The following KCNH7 variants were observed in gnomAD, a reference collection of about 807,000 sequenced individuals.
KCNH7 encodes the protein potassium voltage-gated channel subfamily H member 7, also known as voltage-gated inwardly rectifying potassium channel KCNH7.
A neutral mutation model predicts 120.8 loss-of-function variants in KCNH7; 49 were observed. The observed-to-expected ratio is 0.41, with a 90% CI of 0.32 to 0.51. The LOEUF is 0.51. KCNH7 is among the 20% of genes least tolerant of loss of function. The probability of loss-of-function intolerance (pLI) is 0.38; values close to 1 mark genes in which losing one functional copy is unlikely to be tolerated. For synonymous variants in KCNH7, 547 were observed against 516.1 expected, an observed-to-expected ratio of 1.06 and a Z score of -0.81; for missense variants, 1,097 against 1,446.6, an observed-to-expected ratio of 0.76 and a Z score of 3.92.
chr2:162,591,118 GC>G (rs1694201704), intron 2 of KCNH7, among the ~76,000 whole-genome samples: 1 of 152,040 alleles, frequency 6.6e-6, no homozygotes, highest in Admixed American at 6.6e-5. Flanking sequence ...GTAAGGCTCA[GC>G]TAAACCCTCT....
intron 2 of KCNH7, among the ~76,000 whole-genome samples, chr2:162,601,244 A>G (rs1694541507): frequency 6.6e-6 from 1 of 151,900 alleles, no homozygotes; most frequent in Non-Finnish European, 1.5e-5. Context: ...AGGGGCAAAT[A>G]CTATCAGCAG....
intron 6 of KCNH7, among the ~76,000 whole-genome samples, chr2:162,456,645 T>C (rs534085850): frequency 1.3e-5 from 2 of 152,284 alleles, no homozygotes; most frequent in South Asian, 2.1e-4. Context: ...TCTAAGTCTC[T>C]TTGTAGGTCT....
At chr2:162,399,948 A>T (rs915996785) in intron 10 of KCNH7, among the ~76,000 whole-genome samples, 1 of 151,934 alleles carries the variant, frequency 6.6e-6, no homozygotes, top group African/African-American at 2.4e-5. Context: ...GGTAGCTGCC[A>T]AGAACTGAAG....
At chr2:162,825,676 T>C (rs1252751292) in intron 2 of KCNH7, among the ~76,000 whole-genome samples, 1 of 152,076 alleles carries the variant, frequency 6.6e-6, no homozygotes, top group Non-Finnish European at 1.5e-5. Flanking sequence ...AAGTGCTCAA[T>C]TATTATTAAG....
chr2:162,618,959 G>T (rs1683243335), intron 2 of KCNH7, among the ~76,000 whole-genome samples: 1 of 152,106 alleles, frequency 6.6e-6, no homozygotes, highest in Non-Finnish European at 1.5e-5. Context: ...GCAAATACTT[G>T]TTAAAATTTT....
At chr2:162,580,939 A>C (rs1273763938) in intron 2 of KCNH7, among the ~76,000 whole-genome samples, 1 of 152,066 alleles carries the variant, frequency 6.6e-6, no homozygotes, top group Non-Finnish European at 1.5e-5. Context: ...GAAATGAACA[A>C]AACATTTTGA....
intron 2 of KCNH7, among the ~76,000 whole-genome samples, chr2:162,617,921 G>C (rs1683208313): frequency 6.6e-6 from 1 of 151,764 alleles, no homozygotes; most frequent in Non-Finnish European, 1.5e-5. Context: ...ATAAATCATA[G>C]AAATGAATAC....
chr2:162,421,258 A>G (rs1687700715), intron 9 of KCNH7, among the ~76,000 whole-genome samples: 1 of 152,204 alleles, frequency 6.6e-6, no homozygotes, highest in Non-Finnish European at 1.5e-5. Context: ...CATCATGAAA[A>G]TAGAAGATAA....
chr2:162,621,538 CAATT>C (rs1415852338), intron 2 of KCNH7, among the ~76,000 whole-genome samples: 1 of 151,986 alleles, frequency 6.6e-6, no homozygotes, highest in Non-Finnish European at 1.5e-5. Context: ...TTTTTCTTGA[CAATT>C]GATTATGTAC....
At chr2:162,658,033 T>C (rs1414979214) in intron 2 of KCNH7, among the ~76,000 whole-genome samples, 2 of 151,608 alleles carry the variant, frequency 1.3e-5, no homozygotes, top group Non-Finnish European at 2.9e-5. Context: ...ATCTCAGGAA[T>C]TAGATTATTG....
chr2:162,609,612 A>G (rs1322503673), intron 2 of KCNH7, among the ~76,000 whole-genome samples: 1 of 152,142 alleles, frequency 6.6e-6, no homozygotes, highest in Non-Finnish European at 1.5e-5. Flanking sequence ...CAGAGGCAAG[A>G]TGAGTTAGTT....
At chr2:162,582,258 AC>A (rs528956326) in intron 2 of KCNH7, among the ~76,000 whole-genome samples, 4 of 152,214 alleles carry the variant, frequency 2.6e-5, no homozygotes, top group South Asian at 4.1e-4. Context: ...ATTAATCACA[AC>A]CGGCTATTCT....
intron 12 of KCNH7, 98 bp from the exon 13 acceptor site, chr2:162,385,037 C>A: frequency 2.2e-6 from 2 of 909,378 alleles, no homozygotes; most frequent in Non-Finnish European, 1.6e-6. Flanking sequence ...TATAAACTAG[C>A]TTTTTCCTAT....
At chr2:162,783,623 A>C (rs1683588315) in intron 2 of KCNH7, among the ~76,000 whole-genome samples, 1 of 151,536 alleles carries the variant, frequency 6.6e-6, no homozygotes. Context: ...ATGTTGACAA[A>C]GATATATTTG....
intron 2 of KCNH7, among the ~76,000 whole-genome samples, chr2:162,659,096 C>G (rs1574231990): frequency 6.6e-6 from 1 of 152,084 alleles, no homozygotes; most frequent in Non-Finnish European, 1.5e-5. Context: ...ATAATGGCAG[C>G]TTTAGATAAT....
chr2:162,653,441 C>A (rs1334250924), intron 2 of KCNH7, among the ~76,000 whole-genome samples: 3 of 152,080 alleles, frequency 2.0e-5, no homozygotes, highest in African/African-American at 7.2e-5. Context: ...GAACAATGAA[C>A]TATCCAGAAA....
intron 2 of KCNH7, among the ~76,000 whole-genome samples, chr2:162,771,685 A>G (rs918154215): frequency 2.0e-5 from 3 of 152,150 alleles, no homozygotes; most frequent in African/African-American, 4.8e-5. Flanking sequence ...GTGACTGCCT[A>G]TAACTTTTTG....
At chr2:162,726,000 A>T (rs1309550264) in intron 2 of KCNH7, among the ~76,000 whole-genome samples, 2 of 152,350 alleles carry the variant, frequency 1.3e-5, no homozygotes, top group African/African-American at 4.8e-5. Context: ...ATGCTTTTAA[A>T]TATTAGCCAA....
chr2:162,663,075 A>G (rs1298130998), intron 2 of KCNH7, among the ~76,000 whole-genome samples: 2 of 152,180 alleles, frequency 1.3e-5, no homozygotes, highest in Non-Finnish European at 2.9e-5. Flanking sequence ...ATCAATGAGA[A>G]GTGTAAGCAC....
Sources: allele counts gnomAD v4.1 joint callset (sites outside exome capture counted in the v4.1 genomes callset), GRCh38; gene constraint gnomAD v4.1.1; transcripts MANE v1.5; gene names NCBI Gene and HGNC (gene_info 2026-07-23, HGNC 2026-07-21).